LRRC72: variants seen among roughly 807,000 people sequenced by gnomAD.
LRRC72 encodes leucine-rich repeat-containing protein 72.
In LRRC72, 41 loss-of-function variants were observed where a neutral mutation model predicts 35.8. That is an observed-to-expected ratio of 1.15 (90% confidence interval 0.89 to 1.49). The LOEUF (loss-of-function observed/expected upper bound fraction) is 1.49. Among genes scored for constraint, LRRC72 ranks in the 40% most tolerant of loss-of-function variants. LRRC72 has a pLI of 0.00. For missense variants in LRRC72, 389 were observed against 330.7 expected, an observed-to-expected ratio of 1.18 and a Z score of -1.37; for synonymous variants, 118 against 119.2, an observed-to-expected ratio of 0.99 and a Z score of 0.07.
chr7:16,557,754 T>C (rs1019955687), intron 4 of LRRC72, among the ~76,000 whole-genome samples: 1 of 152,168 alleles, frequency 6.6e-6, no homozygotes, highest in Non-Finnish European at 1.5e-5. Flanking sequence ...ACAAAAACTT[T>C]ATAAATAGTC....
intron 3 of LRRC72, among the ~76,000 whole-genome samples, chr7:16,547,997 G>T (rs534892111): frequency 1.1e-4 from 17 of 152,200 alleles, no homozygotes; most frequent in African/African-American, 3.9e-4. Context: ...GGGCCTGCCC[G>T]TGGCTGCCCA....
intron 3 of LRRC72, among the ~76,000 whole-genome samples, chr7:16,547,811 G>A (rs1399385237): frequency 6.6e-6 from 1 of 152,234 alleles, no homozygotes; most frequent in African/African-American, 2.4e-5. Context: ...GCCTGCAGGT[G>A]CCCCTTGGCA....
chr7:16,551,768 A>T (rs1782553821), intron 3 of LRRC72, among the ~76,000 whole-genome samples: 1 of 139,094 alleles, frequency 7.2e-6, no homozygotes, highest in South Asian at 2.2e-4. Context: ...ATCCTTTATT[A>T]AAAAAAAAAA....
chr7:16,549,524 C>T (rs886350972), intron 3 of LRRC72, among the ~76,000 whole-genome samples: 6 of 152,150 alleles, frequency 3.9e-5, no homozygotes, highest in Non-Finnish European at 7.4e-5. Context: ...TGGACACATC[C>T]GCTGTCACCA....
chr7:16,533,475 C>A (rs1782202782), intron 2 of LRRC72, among the ~76,000 whole-genome samples: 1 of 152,040 alleles, frequency 6.6e-6, no homozygotes, highest in Non-Finnish European at 1.5e-5. Context: ...CATTTTGTCC[C>A]CCTTACTTTG....
chr7:16,572,705 G>C (rs1782969464), intron 7 of LRRC72, among the ~76,000 whole-genome samples: 1 of 152,158 alleles, frequency 6.6e-6, no homozygotes, highest in East Asian at 1.9e-4. Flanking sequence ...CATACTGAAT[G>C]GGCAAAAACT....
At chr7:16,552,852 A>C (rs988755175) in intron 3 of LRRC72, among the ~76,000 whole-genome samples, 2 of 152,200 alleles carry the variant, frequency 1.3e-5, no homozygotes, top group Admixed American at 1.3e-4. Flanking sequence ...AGTAAAGTGC[A>C]GTGGTTTCCA....
intron 7 of LRRC72, among the ~76,000 whole-genome samples, chr7:16,568,550 A>G (rs1782889588): frequency 1.3e-5 from 2 of 152,230 alleles, no homozygotes; most frequent in East Asian, 3.8e-4. Flanking sequence ...AAAACAAATT[A>G]TAGATAGAAA....
intron 3 of LRRC72, among the ~76,000 whole-genome samples, chr7:16,546,657 G>A (rs1782448160): frequency 6.6e-6 from 1 of 152,044 alleles, no homozygotes; most frequent in Non-Finnish European, 1.5e-5. Flanking sequence ...TGGGCCTCTG[G>A]TTCTCTGTCT....
At position 16,532,847 on chromosome 7, in the gene LRRC72, G is replaced by C. The variant is rs371771528; in HGVS notation, c.164+279G>C. The C allele has an allele frequency of 3.4e-4, 155 of 456,570 alleles. No homozygotes were observed. In the East Asian group the frequency reaches 6.2e-3, roughly 18 times the overall value. 28.3% of individuals were successfully genotyped at this position (456,570 alleles called of 1,614,324 possible). A position where few individuals can be genotyped will look rare whatever the true frequency, so the allele number is the denominator to read the frequency against. The stretch of plus-strand genomic sequence containing the variant: ...GTATGTCATATAACCTCACTATTAG[G>C]ATTGTCAGATTTAACAAATAAGTAT... On this transcript the variant is annotated intron_variant, in intron 2 of 8. Transcript: ENST00000401542.
chr7:16,576,739 TA>T (rs1298965702), intron 7 of LRRC72, among the ~76,000 whole-genome samples: 1 of 152,166 alleles, frequency 6.6e-6, no homozygotes, highest in Non-Finnish European at 1.5e-5. Flanking sequence ...AACAAGCTTT[TA>T]AAATGTCCAT....
intron 3 of LRRC72, among the ~76,000 whole-genome samples, chr7:16,553,961 A>T (rs1039956284): frequency 2.0e-5 from 3 of 152,232 alleles, no homozygotes; most frequent in Non-Finnish European, 4.4e-5. Flanking sequence ...GATTTGTGAA[A>T]TGCCACACTT....
At chr7:16,566,830 AATG>A (rs1173454873) in intron 6 of LRRC72, among the ~76,000 whole-genome samples, 2 of 152,190 alleles carry the variant, frequency 1.3e-5, no homozygotes, top group Non-Finnish European at 2.9e-5. Flanking sequence ...ACATACAATG[AATG>A]ATGACTTCTT....
chr7:16,532,779 T>C, intron 2 of LRRC72: 2 of 620,948 alleles, frequency 3.2e-6, no homozygotes, highest in South Asian at 3.3e-5. Context: ...GGAGACAGGC[T>C]GTTTGAATCC....
intron 5 of LRRC72, among the ~76,000 whole-genome samples, chr7:16,562,522 T>TC (rs1183357312): frequency 2.0e-5 from 3 of 152,228 alleles, no homozygotes; most frequent in Non-Finnish European, 4.4e-5. Context: ...AAGACCTGCT[T>TC]CCTACCGGAG....
intron 7 of LRRC72, among the ~76,000 whole-genome samples, chr7:16,579,823 G>A (rs957007575): frequency 6.6e-6 from 1 of 151,880 alleles, no homozygotes; most frequent in Non-Finnish European, 1.5e-5. Flanking sequence ...CTGTTCTCAG[G>A]GTTTTGAGAT....
rs151065006 is a variant in LRRC72, at chr7:16,567,974, C to T, written c.670+431C>T. 7.6e-3 allele frequency among the ~76,000 whole-genome samples: 1,162 copies of T among 152,132 alleles called. 18 individuals carry two copies. Among genetic ancestry groups the T allele is most frequent in the African/African-American group, 0.026 (1,080 of 41,506 alleles). ...CAATTCTACCATGCAGAAATAAGCA[C>T]TGGTAATATTTTGATTATACTCACA... On this transcript the variant is annotated intron_variant, in intron 7 of 8. Transcript: ENST00000401542.
At chr7:16,546,774 C>T (rs1290013845) in intron 3 of LRRC72, among the ~76,000 whole-genome samples, 1 of 152,084 alleles carries the variant, frequency 6.6e-6, no homozygotes, top group Non-Finnish European at 1.5e-5. Context: ...GCTGTTCCTA[C>T]AAATATTGCA....
chr7:16,566,232 C>G, intron 5 of LRRC72, 81 bp from the exon 6 acceptor site: 1 of 772,364 alleles, frequency 1.3e-6, no homozygotes, highest in Non-Finnish European at 1.8e-6. Flanking sequence ...ATACGAATCT[C>G]TTAATTTTTT....
Sources: gnomAD v4.1 joint callset for allele counts (sites outside exome capture counted in the v4.1 genomes callset) on GRCh38, gnomAD v4.1.1 for gene constraint, MANE v1.5 for transcripts, NCBI Gene and HGNC (gene_info 2026-07-23, HGNC 2026-07-21) for gene names.